DBNDD1: variants seen among roughly 807,000 people sequenced by gnomAD.
The protein encoded by DBNDD1 is dysbindin domain containing 1.
In DBNDD1, 14 loss-of-function variants were observed where a neutral mutation model predicts 17.0. The observed-to-expected ratio is 0.82, with a 90% CI of 0.54 to 1.29. DBNDD1 has a LOEUF of 1.29. DBNDD1 is among the 50% of genes most tolerant of loss of function. The pLI, the probability that DBNDD1 is intolerant of heterozygous loss-of-function variation, is 0.00. For synonymous variants in DBNDD1, 105 were observed against 102.0 expected, an observed-to-expected ratio of 1.03 and a Z score of -0.18; for missense variants, 221 against 216.2, an observed-to-expected ratio of 1.02 and a Z score of -0.14.
chr16:90,015,187 G>A (rs1051232496), intron 1 of DBNDD1, among the ~76,000 whole-genome samples: 4 of 152,088 alleles, frequency 2.6e-5, no homozygotes, highest in Non-Finnish European at 4.4e-5. Context: ...GTCTGGTGCC[G>A]TGGTCTGTGT....
At chr16:90,009,965 A>G (rs373373241) in intron 1 of DBNDD1, 1 of 1,613,858 alleles carries the variant, frequency 6.2e-7, no homozygotes, top group African/African-American at 1.3e-5. Flanking sequence ...ACCAGGAGGA[A>G]TAGGCAGGCC....
chr16:90,006,106 C>T lies in DBNDD1; in HGVS notation c.*229G>A, dbSNP rs954386386. The stretch of plus-strand genomic sequence containing the variant: ...GGGCTCCCAGAGGCATCCGGGGGCC[C>T]CGTGTGTCCCCCAGGAAAGCCGGCT... On this transcript the variant is annotated 3_prime_UTR_variant, in exon 4 of 4. Coordinates refer to ENST00000002501, the MANE Select transcript of DBNDD1 (RefSeq NM_001042610.3). The T allele has an allele frequency of 9.9e-6, 6 of 606,548 alleles. No individual in the cohort carries two copies. The Admixed American group carries it at 1.8e-4, about 19-fold the overall frequency. The allele number at this position is 606,548 out of a possible 1,614,324, so 37.6% of individuals were successfully genotyped here. A position where few individuals can be genotyped will look rare whatever the true frequency, so the allele number is the denominator to read the frequency against.
At chr16:90,017,397 A>C (rs1417885840) in intron 1 of DBNDD1, among the ~76,000 whole-genome samples, 1 of 152,044 alleles carries the variant, frequency 6.6e-6, no homozygotes, top group African/African-American at 2.4e-5. Context: ...GGGGAGGCTG[A>C]GGCAGGAGAA....
chr16:90,014,881 T>C (rs1029944459), intron 1 of DBNDD1, among the ~76,000 whole-genome samples: 1 of 151,940 alleles, frequency 6.6e-6, no homozygotes, highest in Non-Finnish European at 1.5e-5. Flanking sequence ...GGTACGTGCC[T>C]GTAGTCCCAG....
intron 1 of DBNDD1, among the ~76,000 whole-genome samples, chr16:90,014,002 G>A (rs2151264068): frequency 6.6e-6 from 1 of 152,228 alleles, no homozygotes; most frequent in Admixed American, 6.5e-5. Flanking sequence ...GCAGGGCAGG[G>A]GTGGTGTGTG....
At chr16:90,017,007 G>T (rs906192834) in intron 1 of DBNDD1, among the ~76,000 whole-genome samples, 10 of 152,138 alleles carry the variant, frequency 6.6e-5, no homozygotes, top group African/African-American at 2.4e-4. Context: ...AGCCTCCTGA[G>T]GATCCCTCTG....
At position 90,006,146 on chromosome 16, in the gene DBNDD1, G is replaced by T; in HGVS notation, c.*189C>A. Reference sequence around the variant, plus strand: ...GAAAGCCGGCTGGTCTCCAAGTGAGGCGAAGACCCGTGCCCAGCAGACAAG... The same window carrying T: ...GAAAGCCGGCTGGTCTCCAAGTGAGTCGAAGACCCGTGCCCAGCAGACAAG... On this transcript the variant is annotated 3_prime_UTR_variant, in exon 4 of 4. Coordinates refer to ENST00000002501, the MANE Select transcript of DBNDD1 (RefSeq NM_001042610.3). 1.2e-6 allele frequency: 1 copy of T among 856,524 alleles called. No individual in the cohort carries two copies. The highest frequency in any genetic ancestry group is 1.7e-6 in the Non-Finnish European group (1 of 581,506). 53.1% of individuals were successfully genotyped at this position (856,524 alleles called of 1,614,324 possible). A position where few individuals can be genotyped will look rare whatever the true frequency, so the allele number is the denominator to read the frequency against.
At chr16:90,010,047 T>C in intron 1 of DBNDD1, 1 of 1,613,776 alleles carries the variant, frequency 6.2e-7, no homozygotes, top group South Asian at 1.1e-5. Context: ...GTTTCTCCCA[T>C]GTTTATTTAT....
In DBNDD1 at chr16:90,019,448, C is replaced by G. The variant is rs1215801173; in HGVS notation, c.-107G>C. 8.7e-6 allele frequency: 5 copies of G among 576,986 alleles called. No homozygotes were observed. Among genetic ancestry groups the G allele is most frequent in the Non-Finnish European group, 1.2e-5 (5 of 430,142 alleles). 35.7% of individuals were successfully genotyped at this position (576,986 alleles called of 1,614,324 possible). On this transcript the variant is annotated 5_prime_UTR_variant, in exon 1 of 4. Transcript: ENST00000002501. This position sits in a 1 kb window ranked among gnomAD's most constrained non-coding sequence, Gnocchi z 6.1. ...GGCCCCGGCTCCGGGCGCAGCGCAT[C>G]GGGGCAGCAACCGGGGGGCCGCGGC... is the stretch of plus-strand genomic sequence containing the variant.
intron 1 of DBNDD1, chr16:90,009,785 T>C: frequency 1.4e-6 from 1 of 722,068 alleles, no homozygotes; most frequent in Non-Finnish European, 2.3e-6. Context: ...CTCTGATTTC[T>C]AGCTCGGCCC....
At chr16:90,013,110 G>A (rs2035583172) in intron 1 of DBNDD1, among the ~76,000 whole-genome samples, 1 of 151,484 alleles carries the variant, frequency 6.6e-6, no homozygotes, top group African/African-American at 2.4e-5. Context: ...GTGGTTCTGT[G>A]TTAATAATGA....
intron 1 of DBNDD1, among the ~76,000 whole-genome samples, chr16:90,010,559 T>G (rs2035536342): frequency 6.7e-6 from 1 of 148,352 alleles, no homozygotes; most frequent in Admixed American, 6.7e-5. Context: ...TTTTGTATTT[T>G]TACTCGTGAT....
chr16:90,009,724 C>A, intron 1 of DBNDD1: 1 of 624,008 alleles, frequency 1.6e-6, no homozygotes, highest in South Asian at 2.0e-5. Flanking sequence ...ACCATGCAGG[C>A]GTGGAAGTCC....
In DBNDD1 at chr16:90,006,345, T is replaced by C; in HGVS notation, c.467A>G (p.Gln156Arg). The C allele has an allele frequency of 1.2e-6, 2 of 1,608,440 alleles. No homozygotes were observed. The highest frequency in any genetic ancestry group is 1.7e-6 in the Non-Finnish European group (2 of 1,178,878). The change falls in exon 4 of 4, where the codon CAG becomes CGG. Residue 156 changes from glutamine (Q) to arginine (R), a missense_variant. By Grantham distance (43) the Gln-to-Arg change is conservative. Coordinates refer to ENST00000002501, the MANE Select transcript of DBNDD1 (RefSeq NM_001042610.3). The stretch of plus-strand genomic sequence containing the variant: ...GCAGGTGGAGATGGTCTAGTCCTCC[T>C]GGGGCCTCTCCACAGTGAGAAACGT... ...LDTFLTVERP[Q>R]ED
At chr16:90,009,134 CAG>C (rs2035500661) in intron 2 of DBNDD1, 148 bp downstream of exon 2, 2 of 1,300,352 alleles carry the variant, frequency 1.5e-6, no homozygotes, top group Non-Finnish European at 2.1e-6. Context: ...AGCTGAGGCT[CAG>C]AGAACCAGAG....
intron 1 of DBNDD1, among the ~76,000 whole-genome samples, chr16:90,016,356 C>T (rs529531764): frequency 1.1e-4 from 17 of 152,226 alleles, no homozygotes; most frequent in Admixed American, 3.9e-4. Context: ...AAATTCCTCA[C>T]GGGCGAGACC....
chr16:90,016,694 C>T (rs936180246), intron 1 of DBNDD1, among the ~76,000 whole-genome samples: 1 of 152,124 alleles, frequency 6.6e-6, no homozygotes, highest in Non-Finnish European at 1.5e-5. Context: ...TTGCTGATGC[C>T]CTGTGCTCTG....
intron 1 of DBNDD1, chr16:90,011,837 C>T: frequency 3.0e-6 from 1 of 331,016 alleles, no homozygotes; most frequent in South Asian, 2.3e-5. Context: ...AGGCTGTGAG[C>T]AGGGGGACCT....
In DBNDD1 at chr16:90,008,826, C is replaced by T. The variant is rs2151260715; in HGVS notation, c.277G>A (p.Ala93Thr). The T allele has an allele frequency of 6.2e-7, 1 of 1,604,598 alleles. No individual in the cohort carries two copies. The highest frequency in any genetic ancestry group is 1.1e-5 in the South Asian group (1 of 90,386). The change falls in exon 3 of 4, where the codon GCT becomes ACT. Residue 93 changes from alanine to threonine, a missense_variant. Physicochemically the swap from Ala to Thr is moderately conservative, Grantham distance 58 (BLOSUM62 0). Coordinates refer to ENST00000002501, the MANE Select transcript of DBNDD1 (RefSeq NM_001042610.3). ...MSDQELAEVF[A>T]DSDDENLNTE... ...TTGAGGTTCTCGTCGTCCGAGTCAG[C>T]AAAGACCTCGGCCAGCTCCTGGTCC...
Sources: allele counts gnomAD v4.1 joint callset (sites outside exome capture counted in the v4.1 genomes callset), GRCh38; gene constraint gnomAD v4.1.1; non-coding constraint Gnocchi (gnomAD v3.1); transcripts MANE v1.5; gene names NCBI Gene and HGNC (gene_info 2026-07-23, HGNC 2026-07-21).